ROBO1: variants seen among roughly 807,000 people sequenced by gnomAD.
The protein encoded by ROBO1 is roundabout homolog 1.
In ROBO1, 149 loss-of-function variants were observed where a neutral mutation model predicts 195.9. The ratio of observed to expected loss-of-function variants is 0.76; its 90% CI spans 0.67 to 0.87. The LOEUF is 0.87. ROBO1 is among the 40% of genes least tolerant of loss of function. The probability of loss-of-function intolerance (pLI) is 0.00; values close to 1 mark genes in which losing one functional copy is unlikely to be tolerated. For missense variants in ROBO1, 1,933 were observed against 2,068.3 expected (o/e 0.93, Z 1.27); for synonymous variants, 816 against 733.2 (o/e 1.11, Z -1.82).
intron 2 of ROBO1, among the ~76,000 whole-genome samples, chr3:79,344,370 C>T (rs2130377): frequency 1.3e-5 from 2 of 152,124 alleles, no homozygotes; most frequent in African/African-American, 2.4e-5. Flanking sequence ...ACAGTCCTAT[C>T]GTGCAAAAGA....
intron 8 of ROBO1, among the ~76,000 whole-genome samples, chr3:78,711,444 CTTCCTTCCTTCCTTCCTTCCT>C (rs1295885437): frequency 1.9e-4 from 12 of 61,770 alleles, no homozygotes; most frequent in South Asian, 6.3e-4. Context: ...TCTTTCTTTC[CTTCCTTCCTTCCTTCCTTCCT>C]TTTCTCTCTT....
At chr3:79,483,185 G>A (rs1272718020) in intron 2 of ROBO1, among the ~76,000 whole-genome samples, 2 of 152,146 alleles carry the variant, frequency 1.3e-5, no homozygotes, top group African/African-American at 4.8e-5. Flanking sequence ...TTCTAACACA[G>A]ACAACAAAGA....
At chr3:79,278,658 C>T (rs2031258365) in intron 2 of ROBO1, among the ~76,000 whole-genome samples, 1 of 152,128 alleles carries the variant, frequency 6.6e-6, no homozygotes, top group African/African-American at 2.4e-5. Context: ...GGAATCTAGA[C>T]TCGCACTTTT....
intron 2 of ROBO1, among the ~76,000 whole-genome samples, chr3:79,563,791 T>C (rs915918654): frequency 6.6e-6 from 1 of 152,074 alleles, no homozygotes; most frequent in South Asian, 2.1e-4. Context: ...TAAATCTATT[T>C]AATGCAGAAA....
intron 2 of ROBO1, among the ~76,000 whole-genome samples, chr3:79,468,366 C>T (rs1938085741): frequency 6.6e-6 from 1 of 152,164 alleles, no homozygotes; most frequent in South Asian, 2.1e-4. Context: ...CATGAGGATA[C>T]TGAGGCACAG....
intron 4 of ROBO1, among the ~76,000 whole-genome samples, chr3:78,803,889 G>A (rs1002783819): frequency 2.6e-5 from 4 of 152,144 alleles, no homozygotes; most frequent in Admixed American, 6.6e-5. Context: ...ATTCTTAAAT[G>A]TATGTGTATA....
intron 25 of ROBO1, among the ~76,000 whole-genome samples, chr3:78,629,857 G>C (rs1605434): frequency 0.53 from 79,984 of 151,972 alleles, 21,342 homozygotes; most frequent in East Asian, 0.7. Context: ...CATGTTCCCA[G>C]CTGAGGTAAA....
chr3:78,744,740 C>A (rs1297513913), intron 5 of ROBO1, among the ~76,000 whole-genome samples: 1 of 152,120 alleles, frequency 6.6e-6, no homozygotes, highest in African/African-American at 2.4e-5. Flanking sequence ...CTCTAATCAG[C>A]CTATTTAAAA....
chr3:78,693,931 G>A (rs2081231825), intron 8 of ROBO1, among the ~76,000 whole-genome samples: 1 of 152,144 alleles, frequency 6.6e-6, no homozygotes, highest in Admixed American at 6.5e-5. Context: ...TTAGCGGTGT[G>A]ACTGGAGATT....
chr3:79,054,625 A>C (rs1429868610), intron 3 of ROBO1, among the ~76,000 whole-genome samples: 1 of 152,152 alleles, frequency 6.6e-6, no homozygotes, highest in Non-Finnish European at 1.5e-5. Context: ...AATTGAGGTC[A>C]ACTTGGTCAT....
intron 1 of ROBO1, among the ~76,000 whole-genome samples, chr3:79,731,145 C>T (rs1703133143): frequency 1.3e-5 from 2 of 152,046 alleles, no homozygotes; most frequent in African/African-American, 2.4e-5. Flanking sequence ...TTTAATATAT[C>T]TCTGTCTCTT....
chr3:78,987,946 AG>A (rs1359629245), intron 3 of ROBO1, among the ~76,000 whole-genome samples: 1 of 152,218 alleles, frequency 6.6e-6, no homozygotes, highest in Non-Finnish European at 1.5e-5. Context: ...CTAAATAATT[AG>A]AACTGTACCC....
At position 78,614,749 on chromosome 3, in the gene ROBO1, G is replaced by T. The variant is rs1282714321; in HGVS notation, c.4334C>A (p.Ser1445Tyr). The T allele has an allele frequency of 1.2e-6, 2 of 1,613,026 alleles. No homozygotes were observed. The highest frequency in any genetic ancestry group is 4.5e-5 in the East Asian group (2 of 44,798). ...GGCGGCACTCATGTTGCTGTCTGTA[G>T]ACACGGGACTTGTGGGCCTAGGGCA... ...SQCPRPTSPV[S>Y]TDSNMSAAVM... Residue 1445 changes from serine to tyrosine, a missense_variant, in exon 28 of 31, where the codon TCT becomes TAT. Physicochemically the swap from Ser to Tyr is moderately radical, Grantham distance 144. Transcript: ENST00000464233.
Position 79,644,763 on chromosome 3 carries a change from A to G in ROBO1, c.-50-54802T>C, listed in dbSNP as rs141790176. ...CACTAACTGGTGCAGAATACACATT[A>G]TTTTCATCAGTACATGGAACATTCT... On this transcript the variant is annotated intron_variant, in intron 1 of 30. Transcript: ENST00000464233. Among the ~76,000 whole-genome samples, 850 of 152,228 alleles carry G rather than the reference A, an allele frequency of 5.6e-3. 5 individuals carry two copies. The highest frequency in any genetic ancestry group is 0.018 in the African/African-American group (736 of 41,540).
At chr3:78,648,359 C>A (rs886998485) in intron 19 of ROBO1, among the ~76,000 whole-genome samples, 7 of 151,988 alleles carry the variant, frequency 4.6e-5, no homozygotes, top group Admixed American at 1.3e-4. Flanking sequence ...ATTTTAATTT[C>A]TTTGAGTTTA....
chr3:79,597,931 G>A (rs1323063369), intron 1 of ROBO1, among the ~76,000 whole-genome samples: 1 of 152,046 alleles, frequency 6.6e-6, no homozygotes, highest in Non-Finnish European at 1.5e-5. Flanking sequence ...TTCCTTACAT[G>A]TAGGCACAGC....
At chr3:79,019,510 C>A (rs982414609) in intron 3 of ROBO1, 30 of 986,038 alleles carry the variant, frequency 3.0e-5, no homozygotes, top group Non-Finnish European at 3.5e-5. Context: ...CCTCCCTCTC[C>A]TCCCCGGCCC....
At chr3:79,564,947 T>G (rs1943043906) in intron 2 of ROBO1, among the ~76,000 whole-genome samples, 1 of 152,108 alleles carries the variant, frequency 6.6e-6, no homozygotes, top group Non-Finnish European at 1.5e-5. Context: ...AGTATTTCAG[T>G]ATATTTTTAG....
rs960009345 is a variant in ROBO1 at position 78,620,881 on chromosome 3, A to G, written c.3876-2840T>C. Among the ~76,000 whole-genome samples, 4 of 27,606 alleles carry G rather than the reference A, an allele frequency of 1.4e-4. No individual in the cohort carries two copies. The Admixed American group carries it at 1.7e-3, about 12-fold the overall frequency. 18.1% of individuals were successfully genotyped at this position (27,606 alleles called of 152,430 possible). A position where few individuals can be genotyped will look rare whatever the true frequency, so the allele number is the denominator to read the frequency against. ...ATAAGTGTAAATATATTATATATAT[A>G]TATGTGTGTGTGTGTGTGTGTGTGT... On this transcript the variant is annotated intron_variant, in intron 26 of 30. Coordinates refer to ENST00000464233, the MANE Select transcript of ROBO1 (RefSeq NM_002941.4).
Sources: allele counts gnomAD v4.1 joint callset (sites outside exome capture counted in the v4.1 genomes callset), GRCh38; gene constraint gnomAD v4.1.1; transcripts MANE v1.5; gene names NCBI Gene and HGNC (gene_info 2026-07-23, HGNC 2026-07-21).